Variants in MN1 observed in about 807,000 individuals in gnomAD.
MN1 encodes transcriptional activator MN1.
Under a neutral mutation model 86.9 loss-of-function variants are expected in MN1, and 19 were observed. That is an observed-to-expected ratio of 0.22 (90% CI 0.15 to 0.32). MN1 has a LOEUF of 0.32. MN1 is among the 10% of genes least tolerant of loss of function. The pLI is 1.00. For synonymous variants in MN1, 928 were observed against 849.6 expected (o/e 1.09, Z -1.60); for missense variants, 1,841 against 1,862.0 (o/e 0.99, Z 0.21).
rs970567987 is a variant in MN1, at chr22:27,798,895, T to C, written c.1649A>G (p.Gln550Arg). 3 of 1,539,674 alleles carry C rather than the reference T, an allele frequency of 1.9e-6. No individual in the cohort carries two copies. The highest frequency in any genetic ancestry group is 3.9e-5 in the Admixed American group (2 of 50,760). The change falls in exon 1 of 2, where the codon CAG (glutamine) becomes CGG (arginine). Residue 550 changes from glutamine to arginine, a missense_variant. Physicochemically the swap from Gln to Arg is conservative, Grantham distance 43. Coordinates refer to ENST00000302326, the MANE Select transcript of MN1 (RefSeq NM_002430.3). ...QQQQQQQQQQQRQNAALMIKQ... is the reference protein window; with the variant it reads ...QQQQQQQQQQRRQNAALMIKQ... Reference sequence around the variant, plus strand: ...AATCATGAGGGCCGCGTTTTGGCGCTGCTGCTGCTGCTGCTGTTGCTGTTG... The same window carrying C: ...AATCATGAGGGCCGCGTTTTGGCGCCGCTGCTGCTGCTGCTGTTGCTGTTG...
rs1481556456 is a variant in MN1, at chr22:27,799,480, T to C, written c.1064A>G (p.Gln355Arg). Residue 355 changes from glutamine (Q) to arginine (R), a missense_variant, in exon 1 of 2, where the codon CAG (glutamine) becomes CGG (arginine). Gln to Arg is a conservative substitution (Grantham distance 43). Coordinates refer to ENST00000302326, the MANE Select transcript of MN1 (RefSeq NM_002430.3). The part of the protein sequence containing the change: ...PPPPQQQPPQ[Q>R]PPQQQPPPPP... The stretch of plus-strand genomic sequence containing the variant: ...CGGCGGCGGCTGCTGCTGTGGCGGC[T>C]GCTGCGGGGGCTGCTGCTGAGGGGG... The C allele has an allele frequency of 1.4e-6, 2 of 1,453,642 alleles. No individual in the cohort carries two copies. The highest frequency in any genetic ancestry group is 2.9e-5 in the South Asian group (2 of 68,130). The allele number at this position is 1,453,642 out of a possible 1,614,324, so 90.0% of individuals were successfully genotyped here. A position where few individuals can be genotyped will look rare whatever the true frequency, so the allele number is the denominator to read the frequency against.
At position 27,800,202 on chromosome 22, in the gene MN1, A is replaced by G. The variant is rs770559977; in HGVS notation, c.342T>C (p.Phe114=). The G allele has an allele frequency of 1.9e-6, 3 of 1,559,092 alleles. No individual in the cohort carries two copies. The highest frequency in any genetic ancestry group is 2.6e-6 in the Non-Finnish European group (3 of 1,155,386). The change falls in exon 1 of 2, where the codon TTT becomes TTC. Residue 114 remains phenylalanine (F), a synonymous_variant. Coordinates refer to ENST00000302326, the MANE Select transcript of MN1 (RefSeq NM_002430.3). The part of the protein sequence containing the change: ...SHHPHQHHPH[F]GGNFGGPDPG... ...GGTCCGGGCCACCGAAGTTGCCCCC[A>G]AAGTGGGGGTGATGCTGGTGGGGAT... is the stretch of plus-strand genomic sequence containing the variant.
At chr22:27,796,200 G>A (rs1019063082) in intron 1 of MN1, among the ~76,000 whole-genome samples, 3 of 152,210 alleles carry the variant, frequency 2.0e-5, no homozygotes, top group Non-Finnish European at 4.4e-5. Context: ...AGGAACAAAT[G>A]TCAAATTAGG....
In MN1 at chr22:27,800,710, G is replaced by C. The variant is rs1025146176; in HGVS notation, c.-167C>G. On this transcript the variant is annotated 5_prime_UTR_variant, in exon 1 of 2. Coordinates refer to ENST00000302326, the MANE Select transcript of MN1 (RefSeq NM_002430.3). ...CCGCCTGATGTGAGGGACGGGGGGC[G>C]GGGTATTAGCTCCTCTCCTGAAGCT... 7.2e-5 allele frequency: 56 copies of C among 773,620 alleles called. No homozygotes were observed. Among genetic ancestry groups the C allele is most frequent in the Non-Finnish European group, 1.1e-4 (51 of 485,202 alleles). The allele number at this position is 773,620 out of a possible 1,614,324, so 47.9% of individuals were successfully genotyped here.
At position 27,761,166 on chromosome 22, in the gene MN1, TC is replaced by T. The variant is rs1183039455; in HGVS notation, c.3782-10071del. ...TCCCACCCCACCACCACCCCCAATT[TC>T]TCTCTTGCAAGCATTCTCCTCCTTT... On this transcript the variant is annotated intron_variant, in intron 1 of 1. Coordinates refer to ENST00000302326, the MANE Select transcript of MN1 (RefSeq NM_002430.3). 2.0e-5 allele frequency among the ~76,000 whole-genome samples: 3 copies of T among 151,992 alleles called. No homozygotes were observed. In the East Asian group the frequency reaches 5.8e-4, roughly 30 times the overall value.
At chr22:27,791,990 T>C (rs938548469) in intron 1 of MN1, 3 of 152,490 alleles carry the variant, frequency 2.0e-5, no homozygotes, top group Non-Finnish European at 4.4e-5. Context: ...GGACTATTTA[T>C]TAAAAATGTA....
chr22:27,766,823 C>G (rs1273983112), intron 1 of MN1, among the ~76,000 whole-genome samples: 5 of 152,164 alleles, frequency 3.3e-5, no homozygotes, highest in Non-Finnish European at 5.9e-5. Flanking sequence ...AGACCCCCTC[C>G]TCGTCCCGAA....
chr22:27,761,427 TG>T lies in MN1; in HGVS notation c.3782-10332del, dbSNP rs1157638027. 5.0e-3 allele frequency among the ~76,000 whole-genome samples: 703 copies of T among 139,430 alleles called. 20 individuals are homozygous for T. The East Asian group carries it at 0.095, about 19-fold the overall frequency. The allele number at this position is 139,430 out of a possible 152,430, so 91.5% of individuals were successfully genotyped here. A position where few individuals can be genotyped will look rare whatever the true frequency, so the allele number is the denominator to read the frequency against. On this transcript the variant is annotated intron_variant, in intron 1 of 1. Transcript: ENST00000302326. The stretch of plus-strand genomic sequence containing the variant: ...CTCTCTCTCTCTCACACACACTTTT[TG>T]GGGGAAAAAAAAAAAAACCCAAGGC...
intron 1 of MN1, among the ~76,000 whole-genome samples, chr22:27,794,114 G>A (rs1230667604): frequency 2.0e-5 from 3 of 152,052 alleles, no homozygotes; most frequent in Non-Finnish European, 4.4e-5. Context: ...ATTTTGCTAT[G>A]ATTTTTTTTT....
At chr22:27,791,121 G>A (rs1006306039) in intron 1 of MN1, among the ~76,000 whole-genome samples, 1 of 151,982 alleles carries the variant, frequency 6.6e-6, no homozygotes, top group Non-Finnish European at 1.5e-5. Flanking sequence ...GGGGCGAGGG[G>A]GAGAGAGGGG....
chr22:27,780,624 GCTC>G (rs1436800395), intron 1 of MN1, among the ~76,000 whole-genome samples: 9 of 152,166 alleles, frequency 5.9e-5, no homozygotes, highest in Non-Finnish European at 1.2e-4. Context: ...CTAGTGGCTG[GCTC>G]CTCGTCATCA....
At position 27,798,190 on chromosome 22, in the gene MN1, T is replaced by C. The variant is rs905331236; in HGVS notation, c.2354A>G (p.Tyr785Cys). The C allele has an allele frequency of 1.3e-6, 2 of 1,545,002 alleles. No individual in the cohort carries two copies. The highest frequency in any genetic ancestry group is 2.0e-5 in the Admixed American group (1 of 50,626). The change falls in exon 1 of 2, where the codon TAC becomes TGC. Residue 785 changes from tyrosine (Y) to cysteine (C), a missense_variant. By Grantham distance (194) the Tyr-to-Cys change is radical. Coordinates refer to ENST00000302326, the MANE Select transcript of MN1 (RefSeq NM_002430.3). ...GGGCTGGAAATCAGGCTGCGGCGGG[T>C]AGGCACCCCCGCCACCGCCGCCACC... ...SSGGGGGGGA[Y>C]PPQPDFQPSQ...
At position 27,759,324 on chromosome 22, in the gene MN1, T is replaced by C. The variant is rs1489772981; in HGVS notation, c.3782-8228A>G. 3.3e-5 allele frequency among the ~76,000 whole-genome samples: 5 copies of C among 151,688 alleles called. No individual in the cohort carries two copies. In the South Asian group the frequency reaches 1.0e-3, roughly 32 times the overall value. ...GGCCACGTCCCCTTCTATAGAAAGA[T>C]AGATGGGGCCTGGGAAACTCAAAGA... is the stretch of plus-strand genomic sequence containing the variant. On this transcript the variant is annotated intron_variant, in intron 1 of 1. Transcript: ENST00000302326.
chr22:27,755,986 G>A (rs1193290255), intron 1 of MN1, among the ~76,000 whole-genome samples: 1 of 152,250 alleles, frequency 6.6e-6, no homozygotes, highest in African/African-American at 2.4e-5. Context: ...CGGCCGTGAT[G>A]GAGGCAGTTA....
chr22:27,777,972 A>ATTC (rs1933002251), intron 1 of MN1, among the ~76,000 whole-genome samples: 1 of 152,120 alleles, frequency 6.6e-6, no homozygotes, highest in South Asian at 2.1e-4. Flanking sequence ...AGCAGTGGGA[A>ATTC]CAGCTACCAG....
chr22:27,798,933 C>CTGCTGCTGCTGT lies in MN1; in HGVS notation c.1599_1610dup (p.Gln547_Gln550dup). On this transcript the variant is annotated inframe_insertion, in exon 1 of 2. Transcript: ENST00000302326. ...GCTGTTGCTGTTGCTGTTGCTGCTG[C>CTGCTGCTGCTGT]TGCTGCTGCTGTTGCTGCTGCTGCT... The CTGCTGCTGCTGT allele has an allele frequency of 1.3e-6, 2 of 1,561,134 alleles. No individual in the cohort carries two copies. Among genetic ancestry groups the CTGCTGCTGCTGT allele is most frequent in the Non-Finnish European group, 1.7e-6 (2 of 1,149,476 alleles).
At position 27,787,804 on chromosome 22, in the gene MN1, C is replaced by T. The variant is rs139613340; in HGVS notation, c.3781+8959G>A. 3.2e-3 allele frequency among the ~76,000 whole-genome samples: 486 copies of T among 152,316 alleles called. 3 individuals are homozygous for T. The highest frequency in any genetic ancestry group is 0.011 in the African/African-American group (465 of 41,574). ...CTGCAGGAATTGGCCACAGGCACGT[C>T]TGGGTCCTGACCTACCCAGGGCCCA... On this transcript the variant is annotated intron_variant, in intron 1 of 1. Coordinates refer to ENST00000302326, the MANE Select transcript of MN1 (RefSeq NM_002430.3).
chr22:27,789,603 A>G (rs953754976), intron 1 of MN1, among the ~76,000 whole-genome samples: 1 of 152,234 alleles, frequency 6.6e-6, no homozygotes, highest in Non-Finnish European at 1.5e-5. Context: ...GTGAGTTTAT[A>G]TGGGGATGTT....
chr22:27,795,737 A>C (rs1020750446), intron 1 of MN1, among the ~76,000 whole-genome samples: 1 of 151,998 alleles, frequency 6.6e-6, no homozygotes, highest in African/African-American at 2.4e-5. Context: ...ACACACACAC[A>C]CACGCACTTT....
Sources: gnomAD v4.1 joint callset for allele counts (sites outside exome capture counted in the v4.1 genomes callset) on GRCh38, gnomAD v4.1.1 for gene constraint, MANE v1.5 for transcripts, NCBI Gene and HGNC (gene_info 2026-07-23, HGNC 2026-07-21) for gene names.